The following PPP6R2 variants were observed in gnomAD, a reference collection of about 807,000 sequenced individuals.
PPP6R2 encodes protein phosphatase 6 regulatory subunit 2, also known as serine/threonine-protein phosphatase 6 regulatory subunit 2.
A neutral mutation model predicts 100.2 loss-of-function variants in PPP6R2; 62 were observed. The observed-to-expected ratio is 0.62, with a 90% CI of 0.50 to 0.76. PPP6R2 has a LOEUF of 0.76. Among genes scored for constraint, PPP6R2 ranks in the 30% least tolerant of loss-of-function variants. PPP6R2 has a pLI of 0.00. For synonymous variants in PPP6R2, 525 were observed against 514.7 expected, an observed-to-expected ratio of 1.02 and a Z score of -0.27; for missense variants, 1,142 against 1,276.3, an observed-to-expected ratio of 0.89 and a Z score of 1.60.
At chr22:50,443,219 G>C (rs919294104) in intron 22 of PPP6R2, 5 of 152,508 alleles carry the variant, frequency 3.3e-5, no homozygotes, top group African/African-American at 1.2e-4. Context: ...CTGAAAAGCA[G>C]GGAATATCAT....
chr22:50,437,368 A>G, intron 15 of PPP6R2, 138 bp from the exon 16 acceptor site: 1 of 681,546 alleles, frequency 1.5e-6, no homozygotes, highest in Non-Finnish European at 2.6e-6. Flanking sequence ...CCCTGAACAG[A>G]GTTTACTGCC....
intron 1 of PPP6R2, among the ~76,000 whole-genome samples, chr22:50,355,269 G>C (rs1464230498): frequency 2.1e-5 from 3 of 139,854 alleles, no homozygotes; most frequent in African/African-American, 5.5e-5. Context: ...ACAGAGTCTC[G>C]CTCTGTAGCC....
At chr22:50,350,689 C>A (rs138557554) in intron 1 of PPP6R2, among the ~76,000 whole-genome samples, 1 of 150,702 alleles carries the variant, frequency 6.6e-6, no homozygotes, top group Non-Finnish European at 1.5e-5. Flanking sequence ...ACTAAAAATT[C>A]AAAAAATTAG....
intron 4 of PPP6R2, among the ~76,000 whole-genome samples, chr22:50,413,856 G>A (rs1156887907): frequency 1.3e-5 from 2 of 152,152 alleles, no homozygotes. Context: ...GGACATAGCA[G>A]ACACTTATTT....
At position 50,352,190 on chromosome 22, in the gene PPP6R2, C is replaced by T. The variant is rs187460540; in HGVS notation, c.-148+8640C>T. Among the ~76,000 whole-genome samples the T allele has an allele frequency of 2.0e-4, 30 of 152,308 alleles. No homozygotes were observed. The East Asian group carries it at 5.4e-3, about 28-fold the overall frequency. On this transcript the variant is annotated intron_variant, in intron 1 of 23. Transcript: ENST00000612753. ...TCCTGACCTCAAGTGATCCTTCCGC[C>T]TCGGCCTCCCAAAGTGCTGGGATTA...
chr22:50,406,553 TTTTG>T, intron 3 of PPP6R2, 132 bp from the exon 4 acceptor site: 1 of 777,102 alleles, frequency 1.3e-6, no homozygotes, highest in Non-Finnish European at 2.1e-6. Flanking sequence ...GTAGTCACGT[TTTTG>T]TTCTGTTCTG....
intron 3 of PPP6R2, among the ~76,000 whole-genome samples, chr22:50,398,598 C>G (rs577469836): frequency 6.6e-6 from 1 of 151,182 alleles, no homozygotes; most frequent in African/African-American, 2.4e-5. Flanking sequence ...TCACTGCAAC[C>G]TCCGCCTCCT....
At chr22:50,420,586 C>G (rs2061195878) in intron 8 of PPP6R2, among the ~76,000 whole-genome samples, 1 of 152,208 alleles carries the variant, frequency 6.6e-6, no homozygotes, top group Non-Finnish European at 1.5e-5. Context: ...GTCCTTCCCT[C>G]AAGTCATAGA....
At chr22:50,349,363 C>CAAAAAA (rs1225878624) in intron 1 of PPP6R2, among the ~76,000 whole-genome samples, 1 of 56,346 alleles carries the variant, frequency 1.8e-5, no homozygotes, top group African/African-American at 6.4e-5. Context: ...GACCCTGTCT[C>CAAAAAA]AAAAAAAAAA....
At chr22:50,353,331 C>T (rs76743359) in intron 1 of PPP6R2, among the ~76,000 whole-genome samples, 1 of 152,024 alleles carries the variant, frequency 6.6e-6, no homozygotes, top group South Asian at 2.1e-4. Flanking sequence ...AACGTTATTA[C>T]GTTATTACTG....
intron 1 of PPP6R2, among the ~76,000 whole-genome samples, chr22:50,367,168 G>A (rs2048932139): frequency 6.6e-6 from 1 of 151,924 alleles, no homozygotes; most frequent in Admixed American, 6.6e-5. Flanking sequence ...AGGATGCCTG[G>A]ACAGGGGAGC....
chr22:50,443,246 T>G (rs1053300140), intron 22 of PPP6R2: 4 of 152,918 alleles, frequency 2.6e-5, no homozygotes, highest in African/African-American at 9.6e-5. Context: ...AAGTAAGTTG[T>G]TTTTTTCCAC....
At chr22:50,372,365 CATG>C (rs1247945140) in intron 2 of PPP6R2, among the ~76,000 whole-genome samples, 6 of 152,016 alleles carry the variant, frequency 3.9e-5, no homozygotes, top group Admixed American at 3.9e-4. Context: ...GCCTGACCAA[CATG>C]ATGAAACCCG....
intron 8 of PPP6R2, 43 bp from the exon 9 acceptor site, chr22:50,422,211 G>C: frequency 6.3e-7 from 1 of 1,593,794 alleles, no homozygotes; most frequent in East Asian, 2.3e-5. Flanking sequence ...GGTTGGACAG[G>C]GTCCTGGTGT....
chr22:50,406,834 A>G lies in PPP6R2; in HGVS notation c.373A>G (p.Ser125Gly). The part of the protein sequence containing the change: ...PLNPLLASFF[S>G]KTIGNLIARK... ...CAATCCTCTGCTCGCCAGTTTTTTCAGCAAGACCATTGGCAATCTCATTGC... is the reference window on the plus strand; with the variant it reads ...CAATCCTCTGCTCGCCAGTTTTTTCGGCAAGACCATTGGCAATCTCATTGC... The change falls in exon 4 of 24, where the codon AGC becomes GGC. Residue 125 changes from serine to glycine, a missense_variant. Transcript: ENST00000612753. 6.2e-7 allele frequency: 1 copy of G among 1,614,146 alleles called. No individual in the cohort carries two copies. The highest frequency in any genetic ancestry group is 8.5e-7 in the Non-Finnish European group (1 of 1,179,996).
At chr22:50,377,828 G>A (rs934209445) in intron 2 of PPP6R2, among the ~76,000 whole-genome samples, 2 of 152,062 alleles carry the variant, frequency 1.3e-5, no homozygotes, top group Non-Finnish European at 2.9e-5. Flanking sequence ...CCAGCATGGT[G>A]AAACCCTGTC....
At chr22:50,350,431 A>G (rs938842255) in intron 1 of PPP6R2, among the ~76,000 whole-genome samples, 3 of 150,872 alleles carry the variant, frequency 2.0e-5, no homozygotes, top group African/African-American at 4.9e-5. Flanking sequence ...GGATTTCACC[A>G]TGTTGGCCAG....
intron 3 of PPP6R2, among the ~76,000 whole-genome samples, chr22:50,401,669 G>A (rs1038299758): frequency 2.0e-4 from 30 of 150,316 alleles, no homozygotes; most frequent in African/African-American, 6.1e-4. Flanking sequence ...TTGAGACGGA[G>A]TCTCACTCTG....
intron 15 of PPP6R2, 26 bp from the exon 16 acceptor site, chr22:50,437,480 T>TACCAA: frequency 1.4e-6 from 1 of 728,386 alleles, no homozygotes; most frequent in Non-Finnish European, 2.5e-6. Flanking sequence ...TGTCTGTCCG[T>TACCAA]CCCTCCCTCC....
Sources: allele counts gnomAD v4.1 joint callset (sites outside exome capture counted in the v4.1 genomes callset), GRCh38; gene constraint gnomAD v4.1.1; transcripts MANE v1.5; gene names NCBI Gene and HGNC (gene_info 2026-07-23, HGNC 2026-07-21).